Variants in SPTA1 observed in about 807,000 individuals in gnomAD.
SPTA1 encodes spectrin alpha chain, erythrocytic 1.
Under a neutral mutation model 324.7 loss-of-function variants are expected in SPTA1, and 177 were observed. The observed-to-expected ratio is 0.55, with a 90% CI of 0.48 to 0.62. The LOEUF is 0.62. SPTA1 is among the 20% of genes least tolerant of loss of function. The pLI is 0.00. For synonymous variants in SPTA1, 1,195 were observed against 1,041.3 expected, an observed-to-expected ratio of 1.15 and a Z score of -2.84; for missense variants, 3,162 against 2,883.6, an observed-to-expected ratio of 1.10 and a Z score of -2.21.
rs767236735 is a variant in SPTA1 at position 158,661,302 on chromosome 1, T to C, written c.2572A>G (p.Lys858Glu). 1.2e-5 allele frequency: 20 copies of C among 1,613,974 alleles called. No homozygotes were observed. Among genetic ancestry groups the C allele is most frequent in the Admixed American group, 1.7e-5 (1 of 60,022 alleles). The change falls in exon 18 of 52, where the codon AAA becomes GAA. Residue 858 changes from lysine to glutamate, a missense_variant. By Grantham distance (56) the Lys-to-Glu change is moderately conservative. Coordinates refer to ENST00000643759, the MANE Select transcript of SPTA1 (RefSeq NM_003126.4). ...RIQEITERGN[K>E]MVEEGHFAAE... ...TCATACATACCTTCCTCTACCATTT[T>C]GTTTCCCCTTTCTGTTATCTCTTGA...
intron 14 of SPTA1, among the ~76,000 whole-genome samples, chr1:158,668,530 A>C (rs957889917): frequency 3.3e-5 from 5 of 152,214 alleles, no homozygotes; most frequent in African/African-American, 1.2e-4. Flanking sequence ...TCATAGCTCT[A>C]TCAAGATATA....
chr1:158,642,824 G>A lies in SPTA1; in HGVS notation c.4595C>T (p.Thr1532Ile). ...CTATTTTGAACTTGCCTGAATGTTAGTGGCGTCTTTGTAGGATTCATCACA... is the reference window on the plus strand; with the variant it reads ...CTATTTTGAACTTGCCTGAATGTTAATGGCGTCTTTGTAGGATTCATCACA... ...TACDESYKDA[T>I]NIQRKYLKHQ... is the part of the protein sequence containing the mutation. The change falls in exon 32 of 52, where the codon ACT (threonine) becomes ATT (isoleucine). Residue 1532 changes from threonine to isoleucine, a missense_variant. Thr to Ile is a moderately conservative substitution (Grantham distance 89, BLOSUM62 -1). Coordinates refer to ENST00000643759, the MANE Select transcript of SPTA1 (RefSeq NM_003126.4). 2 of 1,613,892 alleles carry A rather than the reference G, an allele frequency of 1.2e-6. No homozygotes were observed. Among genetic ancestry groups the A allele is most frequent in the South Asian group, 2.2e-5 (2 of 91,068 alleles).
intron 33 of SPTA1, among the ~76,000 whole-genome samples, chr1:158,642,111 A>G (rs1236813115): frequency 4.6e-5 from 7 of 152,040 alleles, no homozygotes; most frequent in Admixed American, 4.6e-4. Flanking sequence ...CTGAACAATG[A>G]GAACACATGG....
At chr1:158,667,780 A>T in intron 15 of SPTA1, 78 bp downstream of exon 15, 1 of 1,491,012 alleles carries the variant, frequency 6.7e-7, no homozygotes, top group South Asian at 1.2e-5. Flanking sequence ...CCACCAGATA[A>T]ATTTACAGTG....
At chr1:158,671,836 G>A (rs1225211338) in intron 11 of SPTA1, among the ~76,000 whole-genome samples, 1 of 152,154 alleles carries the variant, frequency 6.6e-6, no homozygotes, top group Non-Finnish European at 1.5e-5. Context: ...TGTAGTTAAA[G>A]CCTCTCTGCT....
chr1:158,654,822 A>T lies in SPTA1; in HGVS notation c.2899-74T>A. ...CCTGTACAGCTTACCAGGGGTGAGT[A>T]GTCCTTTAGGCTTCCCAGGAGAAAA... On this transcript the variant is annotated intron_variant, in intron 20 of 51. Transcript: ENST00000643759. 3 of 1,598,702 alleles carry T rather than the reference A, an allele frequency of 1.9e-6. No homozygotes were observed. In the Admixed American group the frequency reaches 5.0e-5, roughly 27 times the overall value.
At chr1:158,650,679 A>C (rs1652358065) in intron 24 of SPTA1, among the ~76,000 whole-genome samples, 1 of 152,196 alleles carries the variant, frequency 6.6e-6, no homozygotes, top group Non-Finnish European at 1.5e-5. Flanking sequence ...TGTAATTGAG[A>C]ATTTCTTCTG....
chr1:158,643,196 G>T (rs1651742942), intron 31 of SPTA1, 126 bp downstream of exon 31: 1 of 1,239,800 alleles, frequency 8.1e-7, no homozygotes, highest in Non-Finnish European at 1.2e-6. Flanking sequence ...GTCTGCATAG[G>T]TGTCAAGATA....
chr1:158,666,235 A>G, intron 16 of SPTA1, 81 bp downstream of exon 16: 1 of 1,392,892 alleles, frequency 7.2e-7, no homozygotes, highest in Non-Finnish European at 1.0e-6. Flanking sequence ...AATAAGTAAT[A>G]ATTACTTATT....
Position 158,643,339 on chromosome 1 carries a change from G to C in SPTA1, c.4425C>G (p.Leu1475=), listed in dbSNP as rs780138210. ...GGCCTGACCTGTCTAGTACACGTTG[G>C]AGCCGCGTAGCAATCTCTTCTTTGG... The part of the protein sequence containing the change: ...HYAKEEIATR[L]QRVLDRWKAL... Residue 1475 remains leucine, a synonymous_variant, in exon 31 of 52, where the codon CTC becomes CTG. Transcript: ENST00000643759. 10 of 1,613,828 alleles carry C rather than the reference G, an allele frequency of 6.2e-6. No individual in the cohort carries two copies. The highest frequency in any genetic ancestry group is 3.3e-5 in the Admixed American group (2 of 59,944).
At chr1:158,673,378 G>A (rs1427215896) in intron 10 of SPTA1, among the ~76,000 whole-genome samples, 1 of 152,094 alleles carries the variant, frequency 6.6e-6, no homozygotes, top group Non-Finnish European at 1.5e-5. Context: ...ATCATTCCAA[G>A]GTGTGCCTAG....
At chr1:158,674,781 A>C (rs1360772170) in intron 8 of SPTA1, 106 bp from the exon 9 acceptor site, 83 of 1,447,564 alleles carry the variant, frequency 5.7e-5, no homozygotes, top group Non-Finnish European at 7.7e-5. Flanking sequence ...GATGCTCCTT[A>C]CTCTAATCCT....
Position 158,615,357 on chromosome 1 carries a change from A to G in SPTA1, c.6647T>C (p.Ile2216Thr), listed in dbSNP as rs530678865. ...IQAMKRQLTK[I>T]VDLGDNLEDA... Reference sequence around the variant, plus strand: ...TTCCAAGTTGTCCCCCAGGTCCACAATCTTGGTTAGTTGACGCTTCATCGC... The same window carrying G: ...TTCCAAGTTGTCCCCCAGGTCCACAGTCTTGGTTAGTTGACGCTTCATCGC... Residue 2216 changes from isoleucine to threonine, a missense_variant, in exon 48 of 52, where the codon ATT (isoleucine) becomes ACT (threonine). Transcript: ENST00000643759. 4.3e-6 allele frequency: 7 copies of G among 1,613,986 alleles called. No homozygotes were observed. The highest frequency in any genetic ancestry group is 3.3e-5 in the Admixed American group (2 of 60,002).
chr1:158,642,751 A>T (rs943654812), intron 32 of SPTA1, 63 bp downstream of exon 32: 59 of 1,611,830 alleles, frequency 3.7e-5, no homozygotes, highest in Non-Finnish European at 5.0e-5. Flanking sequence ...ATCAAGGGTG[A>T]TGACTATCCA....
chr1:158,674,281 G>C, intron 10 of SPTA1, 48 bp downstream of exon 10: 1 of 1,484,516 alleles, frequency 6.7e-7, no homozygotes, highest in Non-Finnish European at 9.4e-7. Flanking sequence ...ATTATGTAAT[G>C]ACTACATATA....
At chr1:158,652,435 G>A (rs768817027) in intron 23 of SPTA1, 32 bp downstream of exon 23, 2 of 1,611,480 alleles carry the variant, frequency 1.2e-6, no homozygotes, top group East Asian at 2.2e-5. Flanking sequence ...GCAAACAATG[G>A]CAACCTTCAA....
At chr1:158,644,128 C>G in intron 30 of SPTA1, 125 bp downstream of exon 30, 1 of 1,283,484 alleles carries the variant, frequency 7.8e-7, no homozygotes. Flanking sequence ...CAGAATGAGA[C>G]TCCATCTCAA....
intron 37 of SPTA1, among the ~76,000 whole-genome samples, chr1:158,636,408 A>T (rs527388477): frequency 6.6e-6 from 1 of 152,148 alleles, no homozygotes; most frequent in Non-Finnish European, 1.5e-5. Context: ...ATCATTCCCC[A>T]GGAGTGTTAA....
chr1:158,630,680 C>T (rs1330549927), intron 39 of SPTA1, among the ~76,000 whole-genome samples: 1 of 151,850 alleles, frequency 6.6e-6, no homozygotes, highest in Non-Finnish European at 1.5e-5. Context: ...GCAAAGGAAA[C>T]AATCAACAGA....
Sources: gnomAD v4.1 joint callset for allele counts (sites outside exome capture counted in the v4.1 genomes callset) on GRCh38, gnomAD v4.1.1 for gene constraint, MANE v1.5 for transcripts, NCBI Gene and HGNC (gene_info 2026-07-23, HGNC 2026-07-21) for gene names.